MYH9: variants seen among roughly 807,000 people sequenced by gnomAD.
The protein encoded by MYH9 is myosin-9.
A neutral mutation model predicts 241.9 loss-of-function variants in MYH9; 29 were observed. The observed-to-expected ratio is 0.12, with a 90% confidence interval of 0.09 to 0.16. The LOEUF (loss-of-function observed/expected upper bound fraction) is 0.16, where lower values mean the gene tolerates loss of function less well. MYH9 is among the 10% of genes least tolerant of loss of function. The pLI, the probability that MYH9 is intolerant of heterozygous loss-of-function variation, is 1.00. For missense variants in MYH9, 1,803 were observed against 2,595.5 expected (o/e 0.69, Z 6.63); for synonymous variants, 1,047 against 1,062.6 (o/e 0.99, Z 0.29).
In MYH9 at chr22:36,285,346, AG is replaced by A; in HGVS notation, c.5275-18del. ...CTGGTCGATCTGCAGAAGAAGGGCC[AG>A]TGACCTTGGGGAGGGCTGGGGCCCT... On this transcript the variant is annotated intron_variant, in intron 37 of 40. Transcript: ENST00000216181. The surrounding 1 kb of genome is among the most constrained non-coding windows in gnomAD (Gnocchi z 7.0). The A allele has an allele frequency of 6.2e-7, 1 of 1,605,038 alleles. No individual in the cohort carries two copies. The highest frequency in any genetic ancestry group is 8.5e-7 in the Non-Finnish European group (1 of 1,179,764).
intron 19 of MYH9, among the ~76,000 whole-genome samples, chr22:36,303,776 C>T (rs2016924278): frequency 7.1e-6 from 1 of 140,494 alleles, no homozygotes; most frequent in African/African-American, 2.7e-5. Context: ...CAGAGTGAGA[C>T]TCCGTCTCAA....
In MYH9 at chr22:36,325,346, C is replaced by T. The variant is rs1364231243; in HGVS notation, c.612+1222G>A. Among the ~76,000 whole-genome samples, 3 of 152,160 alleles carry T rather than the reference C, an allele frequency of 2.0e-5. No homozygotes were observed. In the East Asian group the frequency reaches 5.8e-4, roughly 29 times the overall value. On this transcript the variant is annotated intron_variant, in intron 5 of 40. Coordinates refer to ENST00000216181, the MANE Select transcript of MYH9 (RefSeq NM_002473.6). Reference sequence around the variant, plus strand: ...CATTAGGCCATTCTGCAGGCCACACCCCAGACCTGCATGCAGACTCACACC... The same window carrying T: ...CATTAGGCCATTCTGCAGGCCACACTCCAGACCTGCATGCAGACTCACACC...
chr22:36,312,349 G>C, intron 13 of MYH9, 127 bp from the exon 14 acceptor site: 2 of 909,810 alleles, frequency 2.2e-6, no homozygotes, highest in Non-Finnish European at 3.3e-6. Flanking sequence ...CACTCCCCAG[G>C]AGAAGCAAAG....
At chr22:36,335,758 G>A (rs554919911) in intron 3 of MYH9, among the ~76,000 whole-genome samples, 40 of 152,316 alleles carry the variant, frequency 2.6e-4, no homozygotes, top group African/African-American at 7.9e-4. Context: ...AATGCCCCAC[G>A]GGCCTGTGCC....
At chr22:36,289,442 C>CTT in intron 31 of MYH9, 145 bp from the exon 32 acceptor site, 2 of 719,654 alleles carry the variant, frequency 2.8e-6, no homozygotes, top group Non-Finnish European at 4.6e-6. Flanking sequence ...CAGGGCTGTG[C>CTT]CCAGGACAAT....
At chr22:36,385,661 G>A (rs894639516) in intron 1 of MYH9, among the ~76,000 whole-genome samples, 1 of 152,134 alleles carries the variant, frequency 6.6e-6, no homozygotes, top group African/African-American at 2.4e-5. Flanking sequence ...CCTTCTCTCC[G>A]GGGCTGGGGA....
rs757217190 is a variant in MYH9, at chr22:36,285,884, C to T, written c.5131G>A (p.Ala1711Thr). 20 of 1,613,594 alleles carry T rather than the reference C, an allele frequency of 1.2e-5. No individual in the cohort carries two copies. Among genetic ancestry groups the T allele is most frequent in the South Asian group, 1.2e-4 (11 of 91,070 alleles). ...QERDELADEI[A>T]NSSGKGALAL... ...GCTCACCCTTTGCCGCTGCTGTTGG[C>T]GATCTCGTCAGCCAGCTCATCCCGC... The change falls in exon 36 of 41, where the codon GCC (alanine) becomes ACC (threonine). Residue 1711 changes from alanine (A) to threonine (T), a missense_variant. Ala to Thr is a moderately conservative substitution (Grantham distance 58). Coordinates refer to ENST00000216181, the MANE Select transcript of MYH9 (RefSeq NM_002473.6). The surrounding 1 kb of genome is among the most constrained non-coding windows in gnomAD (Gnocchi z 7.0).
intron 2 of MYH9, among the ~76,000 whole-genome samples, chr22:36,343,279 G>A (rs1327139570): frequency 6.6e-6 from 1 of 152,150 alleles, no homozygotes; most frequent in Non-Finnish European, 1.5e-5. Flanking sequence ...GCTCACACTG[G>A]AATTCCAGCA....
At chr22:36,318,508 G>C (rs1336643714) in intron 10 of MYH9, among the ~76,000 whole-genome samples, 183 bp from the exon 11 acceptor site, 1 of 152,176 alleles carries the variant, frequency 6.6e-6, no homozygotes, top group Admixed American at 6.5e-5. Context: ...CTTTAGCAGG[G>C]CCACAGACAC....
chr22:36,314,440 G>A (rs1426896072), intron 12 of MYH9, 122 bp from the exon 13 acceptor site: 8 of 1,212,960 alleles, frequency 6.6e-6, no homozygotes, highest in Middle Eastern at 2.7e-4. Context: ...CCTCCATGCC[G>A]CTGCCTTTAG....
Position 36,282,628 on chromosome 22 carries a change from G to T in MYH9, c.*40C>A. 6.3e-7 allele frequency: 1 copy of T among 1,581,436 alleles called. No homozygotes were observed. On this transcript the variant is annotated 3_prime_UTR_variant, in exon 41 of 41. Coordinates refer to ENST00000216181, the MANE Select transcript of MYH9 (RefSeq NM_002473.6). Reference sequence around the variant, plus strand: ...GGGTCTGGGAAGGGGAGGCTGTGGTGTCTGTCTGTCCATCCATCTCAGGCT... The same window carrying T: ...GGGTCTGGGAAGGGGAGGCTGTGGTTTCTGTCTGTCCATCCATCTCAGGCT...
chr22:36,347,581 A>G (rs755546588), intron 2 of MYH9, among the ~76,000 whole-genome samples: 22 of 151,860 alleles, frequency 1.4e-4, no homozygotes, highest in Non-Finnish European at 3.1e-4. Flanking sequence ...TAAAAATATT[A>G]AAAATTAGCC....
intron 14 of MYH9, among the ~76,000 whole-genome samples, chr22:36,310,343 C>T (rs2017042251): frequency 6.6e-6 from 1 of 151,888 alleles, no homozygotes; most frequent in Non-Finnish European, 1.5e-5. Context: ...TGGGCTCAAA[C>T]TGTCTTCTTG....
chr22:36,339,122 G>A lies in MYH9; in HGVS notation c.490+2248C>T, dbSNP rs1178168927. Among the ~76,000 whole-genome samples the A allele has an allele frequency of 1.1e-4, 16 of 152,200 alleles. 1 individual carries two copies. The highest frequency in any genetic ancestry group is 1.0e-3 in the Admixed American group (16 of 15,276). On this transcript the variant is annotated intron_variant, in intron 3 of 40. Transcript: ENST00000216181. ...AAAATTGAATGAATCTCTTGGAGAA[G>A]GAGTCCCACAGGTTAACTGAAGACA...
chr22:36,298,571 G>A (rs1603483008), intron 24 of MYH9, among the ~76,000 whole-genome samples: 1 of 152,328 alleles, frequency 6.6e-6, no homozygotes, highest in African/African-American at 2.4e-5. Flanking sequence ...CAGAGCTAGT[G>A]AGTCCTGTGG....
At chr22:36,296,097 G>T (rs544655506) in intron 25 of MYH9, among the ~76,000 whole-genome samples, 17 of 152,200 alleles carry the variant, frequency 1.1e-4, no homozygotes, top group Admixed American at 2.0e-4. Context: ...GTCAACGTAG[G>T]TTCACCAATT....
At chr22:36,338,061 G>A (rs1377362658) in intron 3 of MYH9, among the ~76,000 whole-genome samples, 5 of 151,066 alleles carry the variant, frequency 3.3e-5, no homozygotes, top group Non-Finnish European at 7.4e-5. Context: ...CCAATGACAC[G>A]ATCTCAGCTC....
Position 36,296,851 on chromosome 22 carries a change from G to T in MYH9, c.3264C>A (p.Ala1088=). The part of the protein sequence containing the change: ...LAKKEEELQA[A]LARVEEEAAQ... ...GCAGGCGGGGTCCTCACCTGGCCAG[G>T]GCGGCCTGGAGCTCCTCCTCTTTCT... Residue 1088 remains alanine, a synonymous_variant, in exon 25 of 41, where the codon GCC becomes GCA. Coordinates refer to ENST00000216181, the MANE Select transcript of MYH9 (RefSeq NM_002473.6). 6.2e-7 allele frequency: 1 copy of T among 1,610,220 alleles called. No homozygotes were observed. The highest frequency in any genetic ancestry group is 8.5e-7 in the Non-Finnish European group (1 of 1,179,036).
At chr22:36,296,400 A>AT in intron 25 of MYH9, among the ~76,000 whole-genome samples, 1 of 152,078 alleles carries the variant, frequency 6.6e-6, no homozygotes, top group South Asian at 2.1e-4. Context: ...ACACTGGCGA[A>AT]TTTTTTATAT....
Sources: gnomAD v4.1 joint callset for allele counts (sites outside exome capture counted in the v4.1 genomes callset) on GRCh38, gnomAD v4.1.1 for gene constraint, Gnocchi (gnomAD v3.1) non-coding constraint, MANE v1.5 for transcripts, NCBI Gene and HGNC (gene_info 2026-07-23, HGNC 2026-07-21) for gene names.